WDR82: variants seen among roughly 807,000 people sequenced by gnomAD.
The protein encoded by WDR82 is WD repeat domain 82.
A neutral mutation model predicts 36.1 loss-of-function variants in WDR82; 8 were observed. The ratio of observed to expected loss-of-function variants is 0.22; its 90% CI spans 0.13 to 0.40. The LOEUF (loss-of-function observed/expected upper bound fraction) is 0.40. Among genes scored for constraint, WDR82 ranks in the 10% least tolerant of loss-of-function variants. The pLI is 1.00. For missense variants in WDR82, 185 were observed against 400.5 expected, an observed-to-expected ratio of 0.46 and a Z score of 4.59; for synonymous variants, 129 against 137.8, an observed-to-expected ratio of 0.94 and a Z score of 0.45.
chr3:52,258,425 G>C lies in WDR82; in HGVS notation c.912+111C>G. ...CCACCAGTTGAGAAACATGTACTTG[G>C]ATGCTTGTAATGTACCTATGTAGAA... On this transcript the variant is annotated intron_variant, in intron 8 of 8. Coordinates refer to ENST00000296490, the MANE Select transcript of WDR82 (RefSeq NM_025222.4). The C allele has an allele frequency of 3.2e-6, 4 of 1,237,466 alleles. No homozygotes were observed. The South Asian group carries it at 4.0e-5, about 12-fold the overall frequency. The allele number at this position is 1,237,466 out of a possible 1,614,324, so 76.7% of individuals were successfully genotyped here.
chr3:52,270,888 T>C lies in WDR82; in HGVS notation c.162-79A>G, dbSNP rs540804837. The C allele has an allele frequency of 1.7e-5, 18 of 1,064,960 alleles. No individual in the cohort carries two copies. The Admixed American group carries it at 4.2e-4, about 25-fold the overall frequency. The allele number at this position is 1,064,960 out of a possible 1,614,324, so 66.0% of individuals were successfully genotyped here. A position where few individuals can be genotyped will look rare whatever the true frequency, so the allele number is the denominator to read the frequency against. ...GGGATCTCCACATAAAGAGAAGCAC[T>C]TGAATGATGTGGCAAAGGTGAGGAT... is the stretch of plus-strand genomic sequence containing the variant. On this transcript the variant is annotated intron_variant, in intron 1 of 8. Transcript: ENST00000296490.
At chr3:52,264,855 A>G (rs547212141) in intron 3 of WDR82, among the ~76,000 whole-genome samples, 1 of 152,132 alleles carries the variant, frequency 6.6e-6, no homozygotes, top group Non-Finnish European at 1.5e-5. Flanking sequence ...CAGTGGCACA[A>G]TCATGGCTCA....
chr3:52,264,495 G>A (rs926346613), intron 3 of WDR82, among the ~76,000 whole-genome samples: 1 of 152,138 alleles, frequency 6.6e-6, no homozygotes, highest in Non-Finnish European at 1.5e-5. Context: ...CCCCATAGAC[G>A]ATTCTGGGAC....
chr3:52,266,465 TCTC>T lies in WDR82; in HGVS notation c.326+484_326+486del, dbSNP rs1364094008. On this transcript the variant is annotated intron_variant, in intron 3 of 8. Transcript: ENST00000296490. ...ATACATATATATCTTTGAGACGGAG[TCTC>T]ACTCTGTCGCCCAAGCTGGAGTGCA... Among the ~76,000 whole-genome samples the T allele has an allele frequency of 1.1e-4, 17 of 151,864 alleles. No homozygotes were observed. The South Asian group carries it at 2.3e-3, about 20-fold the overall frequency.
At chr3:52,257,810 G>A (rs546187143) in intron 8 of WDR82, among the ~76,000 whole-genome samples, 62 of 152,150 alleles carry the variant, frequency 4.1e-4, no homozygotes, top group African/African-American at 1.3e-3. Flanking sequence ...CCTGGGAGGT[G>A]GGTGAATAAG....
At chr3:52,269,769 T>C (rs1018522106) in intron 2 of WDR82, among the ~76,000 whole-genome samples, 2 of 151,952 alleles carry the variant, frequency 1.3e-5, no homozygotes, top group African/African-American at 4.8e-5. Flanking sequence ...ATAAACAAAA[T>C]TAAAAAATTA....
intron 1 of WDR82, among the ~76,000 whole-genome samples, chr3:52,277,966 G>A (rs1163630438): frequency 6.6e-6 from 1 of 152,188 alleles, no homozygotes; most frequent in Non-Finnish European, 1.5e-5. Context: ...GCGCTCAAAG[G>A]AGACCGAAGA....
rs775619780 is a variant in WDR82 at position 52,278,377 on chromosome 3, A to AGGCAGCGGCGGCGCAG, written c.-32_-17dup. 5.9e-6 allele frequency: 9 copies of AGGCAGCGGCGGCGCAG among 1,518,540 alleles called. No individual in the cohort carries two copies. The Admixed American group carries it at 8.4e-5, about 14-fold the overall frequency. 94.1% of individuals were successfully genotyped at this position (1,518,540 alleles called of 1,614,324 possible). ...TCAGCTTCATGGCGGCGGCTGGGGA[A>AGGCAGCGGCGGCGCAG]GGCAGCGGCGGCGCAGGGCCGGGGC... On this transcript the variant is annotated 5_prime_UTR_variant, in exon 1 of 9. Coordinates refer to ENST00000296490, the MANE Select transcript of WDR82 (RefSeq NM_025222.4).
chr3:52,259,971 A>C, intron 5 of WDR82, 99 bp from the exon 6 acceptor site: 1 of 1,395,044 alleles, frequency 7.2e-7, no homozygotes, highest in Non-Finnish European at 9.6e-7. Context: ...TTGACTAAGG[A>C]AAGCAGAGAA....
rs1168236621 is a variant in WDR82 at position 52,255,602 on chromosome 3, G to A, written c.*1888C>T. 6.6e-6 allele frequency: 1 copy of A among 151,656 alleles called. No individual in the cohort carries two copies. The highest frequency in any genetic ancestry group is 1.5e-5 in the Non-Finnish European group (1 of 67,952). The allele number at this position is 151,656 out of a possible 1,614,324, so 9.4% of individuals were successfully genotyped here. A position where few individuals can be genotyped will look rare whatever the true frequency, so the allele number is the denominator to read the frequency against. Reference sequence around the variant, plus strand: ...CACTTTCAGAGGAACAAGTCAAAAAGTAATTGCTTAAAAAAAAAAAGTGCT... The same window carrying A: ...CACTTTCAGAGGAACAAGTCAAAAAATAATTGCTTAAAAAAAAAAAGTGCT... On this transcript the variant is annotated 3_prime_UTR_variant, in exon 9 of 9. Transcript: ENST00000296490.
intron 1 of WDR82, among the ~76,000 whole-genome samples, chr3:52,276,839 T>C (rs1225211500): frequency 1.3e-5 from 2 of 152,122 alleles, no homozygotes; most frequent in Admixed American, 1.3e-4. Context: ...CAGACCACTC[T>C]GCCACAAACT....
chr3:52,262,996 C>T (rs928027036), intron 3 of WDR82, among the ~76,000 whole-genome samples: 2 of 152,106 alleles, frequency 1.3e-5, no homozygotes, highest in South Asian at 2.1e-4. Context: ...GGCCTGGTGG[C>T]GTACACCTGT....
At chr3:52,276,009 A>G (rs1334891309) in intron 1 of WDR82, among the ~76,000 whole-genome samples, 1 of 152,378 alleles carries the variant, frequency 6.6e-6, no homozygotes, top group East Asian at 1.9e-4. Context: ...GCAAATGCAG[A>G]AAATGTAACC....
Position 52,278,432 on chromosome 3 carries a change from G to C in WDR82, c.-71C>G. 1 of 1,190,842 alleles carries C rather than the reference G, an allele frequency of 8.4e-7. No homozygotes were observed. The highest frequency in any genetic ancestry group is 1.0e-6 in the Non-Finnish European group (1 of 960,822). 73.8% of individuals were successfully genotyped at this position (1,190,842 alleles called of 1,614,324 possible). A position where few individuals can be genotyped will look rare whatever the true frequency, so the allele number is the denominator to read the frequency against. Reference sequence around the variant, plus strand: ...CCCGGCGGCGAGCGGGCGGGCTGCCGAGGGGCCAACCCAGGCGGGGCGGGC... The same window carrying C: ...CCCGGCGGCGAGCGGGCGGGCTGCCCAGGGGCCAACCCAGGCGGGGCGGGC... On this transcript the variant is annotated 5_prime_UTR_variant, in exon 1 of 9. Coordinates refer to ENST00000296490, the MANE Select transcript of WDR82 (RefSeq NM_025222.4).
intron 2 of WDR82, among the ~76,000 whole-genome samples, chr3:52,269,790 A>G (rs900213235): frequency 5.9e-5 from 9 of 152,228 alleles, no homozygotes; most frequent in African/African-American, 2.2e-4. Context: ...AAGAATTCTA[A>G]CATGAAAATA....
intron 3 of WDR82, among the ~76,000 whole-genome samples, chr3:52,264,077 C>T (rs1263000075): frequency 1.3e-5 from 2 of 152,088 alleles, no homozygotes; most frequent in Non-Finnish European, 2.9e-5. Context: ...GCAGGAGAAT[C>T]GTTTGAACTC....
intron 8 of WDR82, 133 bp downstream of exon 8, chr3:52,258,403 C>T (rs1700030931): frequency 1.9e-6 from 2 of 1,047,392 alleles, no homozygotes. Context: ...AGGGAAACCA[C>T]CAGTTGAGAA....
At chr3:52,267,154 G>A (rs1461714781) in intron 2 of WDR82, 136 bp from the exon 3 acceptor site, 2 of 619,994 alleles carry the variant, frequency 3.2e-6, no homozygotes, top group African/African-American at 3.8e-5. Flanking sequence ...AAATAATGGT[G>A]AATAATTCTA....
chr3:52,272,424 G>C (rs1700162496), intron 1 of WDR82, among the ~76,000 whole-genome samples: 1 of 151,424 alleles, frequency 6.6e-6, no homozygotes, highest in Admixed American at 6.6e-5. Flanking sequence ...CACGCCTGTA[G>C]TCCCAGCTAC....
Sources: gnomAD v4.1 joint callset for allele counts (sites outside exome capture counted in the v4.1 genomes callset) on GRCh38, gnomAD v4.1.1 for gene constraint, MANE v1.5 for transcripts, NCBI Gene and HGNC (gene_info 2026-07-23, HGNC 2026-07-21) for gene names.